CNTN1: variants seen among roughly 807,000 people sequenced by gnomAD.
CNTN1 encodes contactin-1.
In CNTN1, 38 loss-of-function variants were observed where a neutral mutation model predicts 126.4. The observed-to-expected ratio is 0.30, with a 90% CI of 0.23 to 0.39. CNTN1 has a LOEUF of 0.39. Ranked by LOEUF, CNTN1 falls within the 10% of genes least tolerant of loss-of-function variation. CNTN1 has a pLI of 1.00. For missense variants in CNTN1, 1,009 were observed against 1,248.4 expected, an observed-to-expected ratio of 0.81 and a Z score of 2.89; for synonymous variants, 413 against 422.6, an observed-to-expected ratio of 0.98 and a Z score of 0.28.
chr12:40,820,159 G>A (rs1186309828), intron 1 of CNTN1, among the ~76,000 whole-genome samples: 2 of 152,190 alleles, frequency 1.3e-5, no homozygotes, highest in African/African-American at 2.4e-5. Context: ...GTGCAGAGAT[G>A]ACATGGTAAG....
chr12:40,955,199 T>C (rs373418173), intron 14 of CNTN1, among the ~76,000 whole-genome samples: 1 of 151,910 alleles, frequency 6.6e-6, no homozygotes, highest in Non-Finnish European at 1.5e-5. Flanking sequence ...CTCTAAATCA[T>C]ATGATTGGAC....
chr12:41,033,693 A>G (rs900359398), intron 23 of CNTN1, among the ~76,000 whole-genome samples: 1 of 152,108 alleles, frequency 6.6e-6, no homozygotes, highest in African/African-American at 2.4e-5. Context: ...GGAGGGGACT[A>G]AGATATAAGG....
intron 16 of CNTN1, among the ~76,000 whole-genome samples, chr12:40,988,314 T>C (rs183403781): frequency 6.6e-6 from 1 of 152,296 alleles, no homozygotes; most frequent in East Asian, 1.9e-4. Flanking sequence ...GGGTTTTAGA[T>C]TGAAATGGGG....
At chr12:40,884,089 G>T (rs1479622710) in intron 1 of CNTN1, among the ~76,000 whole-genome samples, 2 of 151,520 alleles carry the variant, frequency 1.3e-5, no homozygotes, top group Non-Finnish European at 3.0e-5. Flanking sequence ...AGGCATGTTG[G>T]CTAATTGTTG....
Position 41,071,320 on chromosome 12 carries a change from T to C in CNTN1, c.*1285T>C, listed in dbSNP as rs1950156021. 1 of 152,268 alleles carries C rather than the reference T, an allele frequency of 6.6e-6. No individual in the cohort carries two copies. Among genetic ancestry groups the C allele is most frequent in the African/African-American group, 2.4e-5 (1 of 41,568 alleles). The allele number at this position is 152,268 out of a possible 1,614,324, so 9.4% of individuals were successfully genotyped here. A position where few individuals can be genotyped will look rare whatever the true frequency, so the allele number is the denominator to read the frequency against. ...ATGCACATTTCTTCATTCTCCATGG[T>C]GTGCATGGAAATGTGTTTGAGTGTG... On this transcript the variant is annotated 3_prime_UTR_variant, in exon 24 of 24. Coordinates refer to ENST00000551295, the MANE Select transcript of CNTN1 (RefSeq NM_001843.4).
At chr12:40,980,521 CA>C (rs1219188212) in intron 15 of CNTN1, among the ~76,000 whole-genome samples, 1 of 151,192 alleles carries the variant, frequency 6.6e-6, no homozygotes, top group Non-Finnish European at 1.5e-5. Context: ...GACAATAGAC[CA>C]AATGTTCCCA....
chr12:41,040,052 G>A (rs1949362973), intron 23 of CNTN1, among the ~76,000 whole-genome samples: 1 of 152,026 alleles, frequency 6.6e-6, no homozygotes, highest in Non-Finnish European at 1.5e-5. Context: ...TGTTCCCTCT[G>A]TGGTTGAAAG....
intron 14 of CNTN1, among the ~76,000 whole-genome samples, chr12:40,949,371 C>CACTA (rs1469332381): frequency 6.6e-6 from 1 of 150,978 alleles, no homozygotes; most frequent in African/African-American, 2.4e-5. Flanking sequence ...GCGCTGCACC[C>CACTA]ACTAACTCGT....
intron 6 of CNTN1, among the ~76,000 whole-genome samples, chr12:40,925,345 A>G (rs1208041107): frequency 6.6e-6 from 1 of 151,670 alleles, no homozygotes; most frequent in African/African-American, 2.4e-5. Context: ...TCATGTTTCT[A>G]TTCTTTTAGT....
chr12:41,047,348 T>C (rs1949566916), intron 23 of CNTN1, among the ~76,000 whole-genome samples: 1 of 152,112 alleles, frequency 6.6e-6, no homozygotes, highest in South Asian at 2.1e-4. Context: ...TTCTGTAACT[T>C]CCATCTACTC....
intron 3 of CNTN1, among the ~76,000 whole-genome samples, chr12:40,912,223 ATT>A (rs11329659): frequency 2.0e-5 from 3 of 151,596 alleles, no homozygotes; most frequent in East Asian, 1.9e-4. Context: ...TTTCTTCTTA[ATT>A]TTTTTTTAGA....
intron 7 of CNTN1, among the ~76,000 whole-genome samples, chr12:40,931,365 T>G (rs1336162062): frequency 6.6e-6 from 1 of 151,996 alleles, no homozygotes; most frequent in Non-Finnish European, 1.5e-5. Context: ...TCATAGAATA[T>G]TCTTCACAAA....
At chr12:41,062,550 G>A (rs1420994030) in intron 23 of CNTN1, among the ~76,000 whole-genome samples, 2 of 152,156 alleles carry the variant, frequency 1.3e-5, no homozygotes, top group Non-Finnish European at 2.9e-5. Flanking sequence ...AAGAGACAAA[G>A]ATGAGACAGA....
chr12:40,943,629 T>A lies in CNTN1; in HGVS notation c.1412T>A (p.Ile471Asn). The A allele has an allele frequency of 1.3e-6, 2 of 1,598,314 alleles. No individual in the cohort carries two copies. The highest frequency in any genetic ancestry group is 1.7e-6 in the Non-Finnish European group (2 of 1,165,916). ...ATTTGGGAAGATGGTAGCTTGGAAA[T>A]CAACAACATTACAAGGAATGATGGA... ...ILIWEDGSLE[I>N]NNITRNDGGI... Residue 471 changes from isoleucine (I) to asparagine (N), a missense_variant, in exon 13 of 24, where the codon ATC becomes AAC. By Grantham distance (149) the Ile-to-Asn change is moderately radical. Coordinates refer to ENST00000551295, the MANE Select transcript of CNTN1 (RefSeq NM_001843.4).
intron 1 of CNTN1, among the ~76,000 whole-genome samples, chr12:40,875,573 A>G (rs545335154): frequency 2.6e-5 from 4 of 152,112 alleles, no homozygotes; most frequent in African/African-American, 9.7e-5. Flanking sequence ...ATAGGATTCT[A>G]TTACACAGTG....
intron 1 of CNTN1, among the ~76,000 whole-genome samples, chr12:40,745,334 A>T (rs61913871): frequency 1.3e-5 from 2 of 152,104 alleles, no homozygotes; most frequent in Non-Finnish European, 2.9e-5. Context: ...CTCGGCCCAC[A>T]GCTAAGTTTT....
intron 1 of CNTN1, among the ~76,000 whole-genome samples, chr12:40,903,249 C>G (rs377162453): frequency 1.1e-4 from 16 of 152,272 alleles, no homozygotes; most frequent in African/African-American, 3.6e-4. Context: ...AAGGCTGACA[C>G]GTTCAGGGAG....
At chr12:40,754,582 G>C (rs1766421325) in intron 1 of CNTN1, among the ~76,000 whole-genome samples, 1 of 151,756 alleles carries the variant, frequency 6.6e-6, no homozygotes. Flanking sequence ...GAGAGCAACT[G>C]TATCTTCTTT....
intron 20 of CNTN1, among the ~76,000 whole-genome samples, chr12:41,024,241 G>A (rs145133003): frequency 6.6e-6 from 1 of 152,078 alleles, no homozygotes; most frequent in Admixed American, 6.6e-5. Flanking sequence ...AGGCATTTTG[G>A]TTAATTGTGA....
Sources: gnomAD v4.1 joint callset for allele counts (sites outside exome capture counted in the v4.1 genomes callset) on GRCh38, gnomAD v4.1.1 for gene constraint, MANE v1.5 for transcripts, NCBI Gene and HGNC (gene_info 2026-07-23, HGNC 2026-07-21) for gene names.